CNTNAP1: variants seen among roughly 807,000 people sequenced by gnomAD.
CNTNAP1 encodes the protein contactin-associated protein 1.
CNTNAP1 carries 80 observed loss-of-function variants against 161.5 expected under a neutral mutation model. That is an observed-to-expected ratio of 0.50 (90% CI 0.41 to 0.60). The LOEUF (loss-of-function observed/expected upper bound fraction) is 0.60, where lower values mean the gene tolerates loss of function less well. Ranked by LOEUF, CNTNAP1 falls within the 20% of genes least tolerant of loss-of-function variation. CNTNAP1 has a pLI of 0.00. For synonymous variants in CNTNAP1, 695 were observed against 733.1 expected (o/e 0.95, Z 0.84); for missense variants, 1,464 against 1,854.8 (o/e 0.79, Z 3.87).
In CNTNAP1 at chr17:42,687,911, G is replaced by T; in HGVS notation, c.1236G>T (p.Leu412=). The change falls in exon 8 of 24, where the codon CTG becomes CTT. Residue 412 remains leucine, a synonymous_variant. Coordinates refer to ENST00000264638, the MANE Select transcript of CNTNAP1 (RefSeq NM_003632.3). The surrounding 1 kb of genome is among the most constrained non-coding windows in gnomAD (Gnocchi z 4.7). ...GGGACGGGCTGGGCCACGTGGAGCT[G>T]ACGCTCAGCGAAGGGCAGGTCAACG... is the stretch of plus-strand genomic sequence containing the variant. The part of the protein sequence containing the change: ...RLGDGLGHVE[L]TLSEGQVNVS... 6.2e-7 allele frequency: 1 copy of T among 1,614,236 alleles called. No homozygotes were observed. The highest frequency in any genetic ancestry group is 1.1e-5 in the South Asian group (1 of 91,082).
rs369067825 is a variant in CNTNAP1, at chr17:42,695,471, T to C, written c.2993-50T>C. The C allele has an allele frequency of 1.4e-5, 19 of 1,405,518 alleles. 1 individual carries two copies. The highest frequency in any genetic ancestry group is 1.3e-4 in the African/African-American group (9 of 67,682). 87.1% of individuals were successfully genotyped at this position (1,405,518 alleles called of 1,614,324 possible). ...GTATGGATGACATAAAACCTCTGAA[T>C]TGGGGAGTGAGCAGTGTGGGGGCCC... On this transcript the variant is annotated intron_variant, in intron 18 of 23. Transcript: ENST00000264638.
chr17:42,686,171 G>T (rs1162860516), intron 6 of CNTNAP1, 30 bp downstream of exon 6: 9 of 1,610,594 alleles, frequency 5.6e-6, no homozygotes, highest in Non-Finnish European at 6.8e-6. Flanking sequence ...CTATTTCGTG[G>T]TAGGGTAGAT....
intron 8 of CNTNAP1, among the ~76,000 whole-genome samples, 178 bp downstream of exon 8, chr17:42,688,159 G>A (rs1032534316): frequency 1.2e-4 from 18 of 152,150 alleles, no homozygotes; most frequent in African/African-American, 3.9e-4. Context: ...GTGAGGAGGC[G>A]AATCTGAGGG....
At chr17:42,690,681 G>A (rs2143662462) in intron 12 of CNTNAP1, 58 bp from the exon 13 acceptor site, 1 of 1,552,100 alleles carries the variant, frequency 6.4e-7, no homozygotes, top group Middle Eastern at 2.0e-4. Flanking sequence ...AGGTGGGCAG[G>A]GAGATGGGTA....
At chr17:42,692,863 A>G (rs1322371429) in intron 17 of CNTNAP1, 143 bp downstream of exon 17, 2 of 684,848 alleles carry the variant, frequency 2.9e-6, no homozygotes, top group Non-Finnish European at 4.8e-6. Flanking sequence ...TTGTCCCTCC[A>G]GGCCTTTGTA....
chr17:42,691,340 G>T lies in CNTNAP1; in HGVS notation c.2217-44G>T. The T allele has an allele frequency of 1.2e-6, 2 of 1,614,044 alleles. No individual in the cohort carries two copies. Among genetic ancestry groups the T allele is most frequent in the Non-Finnish European group, 1.7e-6 (2 of 1,179,982 alleles). Reference sequence around the variant, plus strand: ...GTTTTTAGGACTCCGGGAGTGGGAGGAGCTGAGTGGCTGGGGCTGAGCCAT... The same window carrying T: ...GTTTTTAGGACTCCGGGAGTGGGAGTAGCTGAGTGGCTGGGGCTGAGCCAT... On this transcript the variant is annotated intron_variant, in intron 14 of 23. Coordinates refer to ENST00000264638, the MANE Select transcript of CNTNAP1 (RefSeq NM_003632.3). The surrounding 1 kb of genome is among the most constrained non-coding windows in gnomAD (Gnocchi z 4.3).
Position 42,691,758 on chromosome 17 carries a change from C to G in CNTNAP1, c.2345-48C>G. 1 of 1,594,168 alleles carries G rather than the reference C, an allele frequency of 6.3e-7. No individual in the cohort carries two copies. Among genetic ancestry groups the G allele is most frequent in the Non-Finnish European group, 8.6e-7 (1 of 1,163,652 alleles). On this transcript the variant is annotated intron_variant, in intron 15 of 23. Coordinates refer to ENST00000264638, the MANE Select transcript of CNTNAP1 (RefSeq NM_003632.3). The surrounding 1 kb of genome is among the most constrained non-coding windows in gnomAD (Gnocchi z 4.3). ...CCCAACCCCAGGTTCTCTTCCTCCT[C>G]CACCCTCCAATCTCCCTGACAAGAC... is the stretch of plus-strand genomic sequence containing the variant.
chr17:42,697,200 C>A lies in CNTNAP1; in HGVS notation c.3475-74C>A, dbSNP rs568224167. On this transcript the variant is annotated intron_variant, in intron 20 of 23. Coordinates refer to ENST00000264638, the MANE Select transcript of CNTNAP1 (RefSeq NM_003632.3). ...GTATATTCCCAGGGTCCACACAGTT[C>A]CAGTCCAGCCCACAGGCATCTGCTT... 53 of 1,031,138 alleles carry A rather than the reference C, an allele frequency of 5.1e-5. No individual in the cohort carries two copies. In the East Asian group the frequency reaches 1.1e-3, roughly 22 times the overall value. 63.9% of individuals were successfully genotyped at this position (1,031,138 alleles called of 1,614,324 possible). A position where few individuals can be genotyped will look rare whatever the true frequency, so the allele number is the denominator to read the frequency against.
At position 42,687,930 on chromosome 17, in the gene CNTNAP1, G is replaced by A; in HGVS notation, c.1255G>A (p.Val419Ile). The change falls in exon 8 of 24, where the codon GTC becomes ATC. Residue 419 changes from valine (V) to isoleucine (I), a missense_variant. This residue lies in a region of CNTNAP1 where 1,383 missense variants were observed against 1,765.0 expected (regional missense o/e 0.78). Coordinates refer to ENST00000264638, the MANE Select transcript of CNTNAP1 (RefSeq NM_003632.3). The surrounding 1 kb of genome is among the most constrained non-coding windows in gnomAD (Gnocchi z 4.7). ...HVELTLSEGQVNVSIAQSGRK... is the reference protein window; with the variant it reads ...HVELTLSEGQINVSIAQSGRK... ...GGAGCTGACGCTCAGCGAAGGGCAG[G>A]TCAACGTGTCCATCGCGCAGAGCGG... 1 of 1,614,206 alleles carries A rather than the reference G, an allele frequency of 6.2e-7. No individual in the cohort carries two copies. The highest frequency in any genetic ancestry group is 8.5e-7 in the Non-Finnish European group (1 of 1,180,044).
In CNTNAP1 at chr17:42,690,826, C is replaced by G. The variant is rs924224785; in HGVS notation, c.1943C>G (p.Ala648Gly). Residue 648 changes from alanine to glycine, a missense_variant, in exon 13 of 24, where the codon GCT becomes GGT. Around this residue, in one of 3 missense-constraint regions of CNTNAP1, gnomAD observed 1,383 missense variants for 1,765.0 expected, o/e 0.78. Transcript: ENST00000264638. Reference sequence around the variant, plus strand: ...AGCATGGAGCGGCCATTCCTGGGGGCTATCCAGTACTGGAATGCATCCTGG... The same window carrying G: ...AGCATGGAGCGGCCATTCCTGGGGGGTATCCAGTACTGGAATGCATCCTGG... ...GSSMERPFLG[A>G]IQYWNASWEE... is the part of the protein sequence containing the mutation. 4 of 1,614,220 alleles carry G rather than the reference C, an allele frequency of 2.5e-6. No homozygotes were observed. The highest frequency in any genetic ancestry group is 2.7e-5 in the African/African-American group (2 of 75,052).
rs766128262 is a variant in CNTNAP1 at position 42,695,701 on chromosome 17, G to A, written c.3173G>A (p.Arg1058His). The change falls in exon 19 of 24, where the codon CGC becomes CAC. Residue 1058 changes from arginine to histidine, a missense_variant. By Grantham distance (29) the Arg-to-His change is conservative. Around this residue, in one of 3 missense-constraint regions of CNTNAP1, gnomAD observed 1,383 missense variants for 1,765.0 expected, o/e 0.78. Transcript: ENST00000264638. The part of the protein sequence containing the change: ...YVPGYHGPGY[R>H]LPDYPRPGRP... The stretch of plus-strand genomic sequence containing the variant: ...CCTGGCTACCATGGCCCCGGGTACC[G>A]CCTGCCCGACTACCCCCGGCCTGGT... 85 of 1,614,146 alleles carry A rather than the reference G, an allele frequency of 5.3e-5. No individual in the cohort carries two copies. Among genetic ancestry groups the A allele is most frequent in the South Asian group, 1.9e-4 (17 of 91,086 alleles).
Position 42,687,701 on chromosome 17 carries a change from TC to T in CNTNAP1, c.1045-18del. 1 of 1,612,162 alleles carries T rather than the reference TC, an allele frequency of 6.2e-7. No individual in the cohort carries two copies. On this transcript the variant is annotated intron_variant, in intron 7 of 23. Coordinates refer to ENST00000264638, the MANE Select transcript of CNTNAP1 (RefSeq NM_003632.3). This position sits in a 1 kb window ranked among gnomAD's most constrained non-coding sequence, Gnocchi z 4.7. Reference sequence around the variant, plus strand: ...GAGGCGGCTCACGGGTGTTGATGCGTCTTCACTTTTGCCCCTAGGGTAAGGT... The same window carrying T: ...GAGGCGGCTCACGGGTGTTGATGCGTTTCACTTTTGCCCCTAGGGTAAGGT...
intron 18 of CNTNAP1, among the ~76,000 whole-genome samples, chr17:42,694,275 G>A (rs907054791): frequency 3.3e-5 from 5 of 151,614 alleles, no homozygotes; most frequent in African/African-American, 9.7e-5. Flanking sequence ...GGGCTGAAGC[G>A]ATTCTCCTGC....
chr17:42,688,789 T>G, intron 9 of CNTNAP1, 87 bp from the exon 10 acceptor site: 1 of 1,557,260 alleles, frequency 6.4e-7, no homozygotes, highest in Non-Finnish European at 8.8e-7. Context: ...CTTTCTTCCT[T>G]TATGTCTGGC....
chr17:42,690,234 G>A lies in CNTNAP1; in HGVS notation c.1855+27G>A, dbSNP rs878866842. On this transcript the variant is annotated intron_variant, in intron 12 of 23. Coordinates refer to ENST00000264638, the MANE Select transcript of CNTNAP1 (RefSeq NM_003632.3). ...TAAGTGTCTCTGTTGGGTGGTGAGG[G>A]GGTGAGGGGAGAACCAGGAAGGATA... The A allele has an allele frequency of 3.7e-6, 6 of 1,613,046 alleles. No homozygotes were observed. In the African/African-American group the frequency reaches 4.0e-5, roughly 11 times the overall value.
rs2143647673 is a variant in CNTNAP1, at chr17:42,685,066, C to A, written c.439C>A (p.Arg147Ser). 6.3e-7 allele frequency: 1 copy of A among 1,580,908 alleles called. No homozygotes were observed. The highest frequency in any genetic ancestry group is 8.6e-7 in the Non-Finnish European group (1 of 1,164,170). ...CTTCCACTTCACTGCGCGCTACATCCGCATCGTGCCCCTGGCCTGGAACCC... is the reference window on the plus strand; with the variant it reads ...CTTCCACTTCACTGCGCGCTACATCAGCATCGTGCCCCTGGCCTGGAACCC... ...LHFHFTARYI[R>S]IVPLAWNPRG... Residue 147 changes from arginine (R) to serine (S), a missense_variant, in exon 4 of 24, where the codon CGC becomes AGC. By Grantham distance (110) the Arg-to-Ser change is moderately radical. Transcript: ENST00000264638. The surrounding 1 kb of genome is among the most constrained non-coding windows in gnomAD (Gnocchi z 5.0).
At position 42,691,307 on chromosome 17, in the gene CNTNAP1, G is replaced by A; in HGVS notation, c.2216+14G>A. 6.2e-7 allele frequency: 1 copy of A among 1,614,146 alleles called. No homozygotes were observed. Among genetic ancestry groups the A allele is most frequent in the Non-Finnish European group, 8.5e-7 (1 of 1,180,010 alleles). ...CCAGCCCCAGTGGTGAGGGGGCAAA[G>A]GGACAGGGTTTTTAGGACTCCGGGA... On this transcript the variant is annotated intron_variant, in intron 14 of 23. Transcript: ENST00000264638. This position sits in a 1 kb window ranked among gnomAD's most constrained non-coding sequence, Gnocchi z 4.3.
rs553577672 is a variant in CNTNAP1 at position 42,690,662 on chromosome 17, C to T, written c.1856-77C>T. The T allele has an allele frequency of 7.6e-5, 110 of 1,438,752 alleles. No individual in the cohort carries two copies. In the Admixed American group the frequency reaches 1.6e-3, roughly 21 times the overall value. 89.1% of individuals were successfully genotyped at this position (1,438,752 alleles called of 1,614,324 possible). ...GTTCAGTGGCTCTGAGTTGCAGCAGCGGTGGTGGAGGTGGGCAGGGAGATG... is the reference window on the plus strand; with the variant it reads ...GTTCAGTGGCTCTGAGTTGCAGCAGTGGTGGTGGAGGTGGGCAGGGAGATG... On this transcript the variant is annotated intron_variant, in intron 12 of 23. Coordinates refer to ENST00000264638, the MANE Select transcript of CNTNAP1 (RefSeq NM_003632.3).
intron 8 of CNTNAP1, 135 bp from the exon 9 acceptor site, chr17:42,688,327 G>A: frequency 8.6e-7 from 1 of 1,165,194 alleles, no homozygotes; most frequent in Non-Finnish European, 1.3e-6. Context: ...GTCTCCACTG[G>A]GTGTGAGAAG....
Sources: gnomAD v4.1 joint callset for allele counts (sites outside exome capture counted in the v4.1 genomes callset) on GRCh38, gnomAD v4.1.1 for gene constraint, gnomAD v4.1.1 regional missense constraint, Gnocchi (gnomAD v3.1) non-coding constraint, MANE v1.5 for transcripts, NCBI Gene and HGNC (gene_info 2026-07-23, HGNC 2026-07-21) for gene names.